RNF20: variants seen among roughly 807,000 people sequenced by gnomAD.
RNF20 encodes ring finger protein 20, also known as E3 ubiquitin-protein ligase BRE1A.
In RNF20, 84 loss-of-function variants were observed where a neutral mutation model predicts 126.2. The observed-to-expected ratio is 0.67, with a 90% CI of 0.56 to 0.80. The LOEUF (loss-of-function observed/expected upper bound fraction) is 0.80, where lower values mean the gene tolerates loss of function less well. RNF20 is among the 30% of genes least tolerant of loss of function. RNF20 has a pLI of 0.00. For missense variants in RNF20, 869 were observed against 1,188.2 expected (o/e 0.73, Z 3.95); for synonymous variants, 400 against 414.3 (o/e 0.97, Z 0.42).
intron 16 of RNF20, 148 bp downstream of exon 16, chr9:101,557,744 T>G: frequency 1.6e-6 from 1 of 608,044 alleles, no homozygotes; most frequent in Non-Finnish European, 2.9e-6. Flanking sequence ...TATTGGTAAA[T>G]AAATTATACA....
intron 15 of RNF20, among the ~76,000 whole-genome samples, chr9:101,555,873 T>G (rs1174964613): frequency 6.6e-6 from 1 of 151,558 alleles, no homozygotes; most frequent in African/African-American, 2.4e-5. Flanking sequence ...GCAGGAGAAT[T>G]GCTGGAACCC....
At position 101,561,091 on chromosome 9, in the gene RNF20, C is replaced by G; in HGVS notation, c.2510C>G (p.Ala837Gly). Residue 837 changes from alanine to glycine, a missense_variant and splice_region_variant, in exon 18 of 20, where the codon GCA becomes GGA. Ala to Gly is a moderately conservative substitution (Grantham distance 60, BLOSUM62 0). Around this residue, in one of 8 missense-constraint regions of RNF20, gnomAD observed 150 missense variants for 173.7 expected, o/e 0.86. Coordinates refer to ENST00000389120, the MANE Select transcript of RNF20 (RefSeq NM_019592.7). ...TQALEMNKRKAMEAAQLADDL... is the reference protein window; with the variant it reads ...TQALEMNKRKGMEAAQLADDL... ...CACTTATTTGTACATCCTACATAGGCAATGGAGGCAGCCCAGCTTGCAGAT... is the reference window on the plus strand; with the variant it reads ...CACTTATTTGTACATCCTACATAGGGAATGGAGGCAGCCCAGCTTGCAGAT... 6.2e-7 allele frequency: 1 copy of G among 1,613,464 alleles called. No homozygotes were observed. Among genetic ancestry groups the G allele is most frequent in the Non-Finnish European group, 8.5e-7 (1 of 1,179,666 alleles).
intron 17 of RNF20, 40 bp downstream of exon 17, chr9:101,560,966 A>C: frequency 2.5e-6 from 4 of 1,603,430 alleles, no homozygotes; most frequent in Non-Finnish European, 3.4e-6. Flanking sequence ...TCTCAGTGGA[A>C]CAAATAAGTA....
chr9:101,562,152 C>T (rs561078218), intron 19 of RNF20, 94 bp from the exon 20 acceptor site: 5 of 1,395,852 alleles, frequency 3.6e-6, no homozygotes, highest in Non-Finnish European at 4.9e-6. Context: ...TTTTTAGTGC[C>T]TTGTGGGTTT....
intron 2 of RNF20, among the ~76,000 whole-genome samples, chr9:101,538,134 T>G (rs1827211840): frequency 1.3e-5 from 2 of 151,914 alleles, no homozygotes; most frequent in South Asian, 4.2e-4. Flanking sequence ...AAAATAGTGG[T>G]AGTTGTGAAG....
intron 5 of RNF20, among the ~76,000 whole-genome samples, chr9:101,541,189 G>C (rs1225625286): frequency 2.0e-5 from 3 of 152,108 alleles, no homozygotes; most frequent in Admixed American, 6.6e-5. Flanking sequence ...TTCTGCCTCA[G>C]CTTCCGAATA....
chr9:101,550,769 A>G lies in RNF20; in HGVS notation c.1256A>G (p.Gln419Arg). Residue 419 changes from glutamine to arginine, a missense_variant, in exon 10 of 20, where the codon CAG becomes CGG. By Grantham distance (43) the Gln-to-Arg change is conservative. Around this residue, in one of 8 missense-constraint regions of RNF20, gnomAD observed 153 missense variants for 226.4 expected, o/e 0.68. Transcript: ENST00000389120. Reference protein sequence around the residue: ...LHGTRGTHQHQVELIERDEVS... With the variant: ...LHGTRGTHQHRVELIERDEVS... Reference sequence around the variant, plus strand: ...GGCACCAGAGGAACCCACCAGCACCAGGTTGAGCTTATTGAGGTAATAGCC... The same window carrying G: ...GGCACCAGAGGAACCCACCAGCACCGGGTTGAGCTTATTGAGGTAATAGCC... 1.2e-6 allele frequency: 2 copies of G among 1,614,184 alleles called. No homozygotes were observed. Among genetic ancestry groups the G allele is most frequent in the Non-Finnish European group, 1.7e-6 (2 of 1,180,008 alleles).
chr9:101,559,974 G>T (rs778233625), intron 16 of RNF20, among the ~76,000 whole-genome samples: 35 of 152,102 alleles, frequency 2.3e-4, no homozygotes, highest in Admixed American at 7.2e-4. Context: ...TCTGTGTCTT[G>T]TTCCAGTTCT....
intron 2 of RNF20, among the ~76,000 whole-genome samples, chr9:101,537,797 A>G (rs1827205978): frequency 6.6e-6 from 1 of 152,180 alleles, no homozygotes; most frequent in Non-Finnish European, 1.5e-5. Flanking sequence ...GAACAAGGGG[A>G]ATAAAGGGAG....
intron 19 of RNF20, 37 bp from the exon 20 acceptor site, chr9:101,562,209 T>G: frequency 6.3e-7 from 1 of 1,594,460 alleles, no homozygotes; most frequent in Admixed American, 1.7e-5. Flanking sequence ...TCATAAACTT[T>G]CATGGTTGTT....
rs939885619 is a variant in RNF20 at position 101,548,517 on chromosome 9, G to A, written c.1092+999G>A. On this transcript the variant is annotated intron_variant, in intron 9 of 19. Coordinates refer to ENST00000389120, the MANE Select transcript of RNF20 (RefSeq NM_019592.7). ...GTGAGGTGAAGGATTTGTTAATTAG[G>A]TGGATTGTGGTAATGATTTCACAGT... Among the ~76,000 whole-genome samples the A allele has an allele frequency of 4.6e-5, 7 of 152,134 alleles. 1 individual carries two copies. In the South Asian group the frequency reaches 1.0e-3, roughly 23 times the overall value.
At chr9:101,550,111 T>C (rs1264701179) in intron 9 of RNF20, among the ~76,000 whole-genome samples, 1 of 152,194 alleles carries the variant, frequency 6.6e-6, no homozygotes, top group African/African-American at 2.4e-5. Context: ...GGTTAAATGA[T>C]ATGAATAAAG....
intron 10 of RNF20, 68 bp downstream of exon 10, chr9:101,550,853 T>C (rs1827431950): frequency 7.6e-7 from 1 of 1,323,906 alleles, no homozygotes; most frequent in African/African-American, 1.4e-5. Flanking sequence ...TTTTACTCCC[T>C]CATGTGCAAT....
At position 101,554,121 on chromosome 9, in the gene RNF20, A is replaced by AT; in HGVS notation, c.2019+18dup. 4 of 1,350,572 alleles carry AT rather than the reference A, an allele frequency of 3.0e-6. No homozygotes were observed. Among genetic ancestry groups the AT allele is most frequent in the Non-Finnish European group, 4.2e-6 (4 of 944,636 alleles). 83.7% of individuals were successfully genotyped at this position (1,350,572 alleles called of 1,614,324 possible). The stretch of plus-strand genomic sequence containing the variant: ...TAAGGCAGAGGTATTCTAGTCTGCT[A>AT]TTACCTGTCCTTCTGGTTAAAATCT... On this transcript the variant is annotated intron_variant, in intron 14 of 19. Coordinates refer to ENST00000389120, the MANE Select transcript of RNF20 (RefSeq NM_019592.7).
At chr9:101,557,955 C>G (rs1333039045) in intron 16 of RNF20, among the ~76,000 whole-genome samples, 1 of 149,224 alleles carries the variant, frequency 6.7e-6, no homozygotes. Flanking sequence ...ATTGTTACTT[C>G]TGGATATTGG....
intron 2 of RNF20, among the ~76,000 whole-genome samples, chr9:101,536,052 A>G (rs1374847430): frequency 6.6e-6 from 1 of 152,214 alleles, no homozygotes; most frequent in African/African-American, 2.4e-5. Context: ...TTAGATTTTT[A>G]TGCATATAAA....
At position 101,540,355 on chromosome 9, in the gene RNF20, C is replaced by T; in HGVS notation, c.282C>T (p.Asn94=). 1.2e-6 allele frequency: 2 copies of T among 1,614,186 alleles called. No homozygotes were observed. The highest frequency in any genetic ancestry group is 2.2e-5 in the East Asian group (1 of 44,882). The change falls in exon 3 of 20, where the codon AAC becomes AAT. Residue 94 remains asparagine, a synonymous_variant. Coordinates refer to ENST00000389120, the MANE Select transcript of RNF20 (RefSeq NM_019592.7). ...ATGATGCCTCACTATTGATTGTCAA[C>T]CGATACTGGAGTCAGGTAGCTAACT... is the stretch of plus-strand genomic sequence containing the variant. ...ATDDASLLIV[N]RYWSQFDENI...
intron 6 of RNF20, among the ~76,000 whole-genome samples, chr9:101,546,097 T>C (rs1337324193): frequency 6.6e-6 from 1 of 152,210 alleles, no homozygotes; most frequent in African/African-American, 2.4e-5. Context: ...CCATTGGGTC[T>C]CTAAAGTTGA....
intron 5 of RNF20, among the ~76,000 whole-genome samples, chr9:101,543,302 C>T (rs911617034): frequency 5.3e-5 from 8 of 151,034 alleles, no homozygotes; most frequent in South Asian, 2.1e-4. Flanking sequence ...CGTGCCAGGG[C>T]GGCACTGTCT....
Sources: allele counts gnomAD v4.1 joint callset (sites outside exome capture counted in the v4.1 genomes callset), GRCh38; gene constraint gnomAD v4.1.1; regional missense constraint gnomAD v4.1.1; transcripts MANE v1.5; gene names NCBI Gene and HGNC (gene_info 2026-07-23, HGNC 2026-07-21).